Variants in NPM1 observed in about 807,000 individuals in gnomAD.
The protein encoded by NPM1 is nucleophosmin 1, also known as nucleophosmin.
A neutral mutation model predicts 44.1 loss-of-function variants in NPM1; 1 was observed. That is an observed-to-expected ratio of 0.02 (90% CI 0.01 to 0.11). The LOEUF (loss-of-function observed/expected upper bound fraction) is 0.11. NPM1 is among the 10% of genes least tolerant of loss of function. The pLI, the probability that NPM1 is intolerant of heterozygous loss-of-function variation, is 1.00. For missense variants in NPM1, 197 were observed against 347.8 expected (o/e 0.57, Z 3.45); for synonymous variants, 126 against 111.8 (o/e 1.13, Z -0.80).
At chr5:171,405,613 AT>A (rs943010118) in intron 9 of NPM1, 2 of 542,728 alleles carry the variant, frequency 3.7e-6, no homozygotes, top group African/African-American at 1.9e-5. Flanking sequence ...AATATGCCTT[AT>A]TTTCCATTAT....
intron 8 of NPM1, among the ~76,000 whole-genome samples, chr5:171,403,826 C>T (rs1771397044): frequency 1.2e-5 from 1 of 82,922 alleles, no homozygotes; most frequent in African/African-American, 4.6e-5. Flanking sequence ...AGAGGCGCCC[C>T]TCACCTCCCA....
intron 10 of NPM1, 70 bp downstream of exon 10, chr5:171,407,844 C>T (rs1011151551): frequency 3.2e-6 from 3 of 932,980 alleles, no homozygotes; most frequent in Non-Finnish European, 5.1e-6. Context: ...CTGCCTTTAC[C>T]CTTTTTAAGT....
intron 6 of NPM1, among the ~76,000 whole-genome samples, chr5:171,395,607 G>A (rs1379926803): frequency 6.6e-6 from 1 of 152,194 alleles, no homozygotes; most frequent in East Asian, 1.9e-4. Flanking sequence ...ACTAAGGTCT[G>A]CATAGTAGTA....
At chr5:171,390,615 T>A (rs569793108) in intron 2 of NPM1, among the ~76,000 whole-genome samples, 4 of 152,318 alleles carry the variant, frequency 2.6e-5, no homozygotes, top group African/African-American at 9.6e-5. Flanking sequence ...ACTTGTTTTT[T>A]AAAAAAATCA....
rs561730798 is a variant in NPM1 at position 171,387,890 on chromosome 5, A to C, written c.-59A>C. ...TCCGTCCTGCGCGGTTGTTCTCTGG[A>C]GCAGCGTTCTTTTATCTCCGTCCGC... is the stretch of plus-strand genomic sequence containing the variant. On this transcript the variant is annotated 5_prime_UTR_variant, in exon 1 of 11. Transcript: ENST00000296930. 9.8e-6 allele frequency: 15 copies of C among 1,527,542 alleles called. No individual in the cohort carries two copies. Among genetic ancestry groups the C allele is most frequent in the East Asian group, 4.5e-5 (2 of 44,460 alleles). The allele number at this position is 1,527,542 out of a possible 1,614,324, so 94.6% of individuals were successfully genotyped here.
intron 8 of NPM1, among the ~76,000 whole-genome samples, chr5:171,401,654 C>G (rs1771209729): frequency 6.6e-6 from 1 of 152,188 alleles, no homozygotes; most frequent in Admixed American, 6.5e-5. Flanking sequence ...GTTGGCCAGG[C>G]TGGTCTCAAA....
intron 6 of NPM1, among the ~76,000 whole-genome samples, chr5:171,398,946 G>A (rs1446830217): frequency 2.0e-5 from 3 of 150,644 alleles, no homozygotes; most frequent in Admixed American, 6.6e-5. Flanking sequence ...TGCAACCTCC[G>A]CCTCCTGGTT....
intron 3 of NPM1, 101 bp downstream of exon 3, chr5:171,391,525 C>CT: frequency 6.9e-7 from 1 of 1,444,488 alleles, no homozygotes; most frequent in Middle Eastern, 1.8e-4. Context: ...GAAAGTGGTT[C>CT]TTTATCTTCT....
intron 6 of NPM1, among the ~76,000 whole-genome samples, chr5:171,395,522 A>G (rs1770835509): frequency 6.6e-6 from 1 of 152,014 alleles, no homozygotes; most frequent in African/African-American, 2.4e-5. Flanking sequence ...CTGGTCTCGA[A>G]CTCCAAAGTG....
Position 171,390,064 on chromosome 5 carries a change from G to A in NPM1, c.72G>A (p.Lys24=). The change falls in exon 2 of 11, where the codon AAG becomes AAA. Residue 24 remains lysine (K), a synonymous_variant. Coordinates refer to ENST00000296930, the MANE Select transcript of NPM1 (RefSeq NM_002520.7). ...CTTCATTTACAGGTTGTGAACTAAA[G>A]GCCGACAAAGATTATCACTTTAAGG... ...PQNYLFGCEL[K]ADKDYHFKVD... is the part of the protein sequence containing the mutation. The A allele has an allele frequency of 6.6e-7, 1 of 1,517,118 alleles. No individual in the cohort carries two copies. The highest frequency in any genetic ancestry group is 1.4e-5 in the African/African-American group (1 of 71,662). The allele number at this position is 1,517,118 out of a possible 1,614,324, so 94.0% of individuals were successfully genotyped here. A position where few individuals can be genotyped will look rare whatever the true frequency, so the allele number is the denominator to read the frequency against.
At position 171,405,633 on chromosome 5, in the gene NPM1, C is replaced by T. The variant is rs7711765; in HGVS notation, c.771+230C>T. The stretch of plus-strand genomic sequence containing the variant: ...GCCTTATTTTCCATTATGCAAGGAA[C>T]GTAGTGCACTGGTTGCAAGATAACA... On this transcript the variant is annotated intron_variant, in intron 9 of 10. Transcript: ENST00000296930. 0.41 allele frequency: 200,198 copies of T among 490,446 alleles called. 41,039 individuals carry two copies. The highest frequency in any genetic ancestry group is 0.55 in the East Asian group (14,472 of 26,262). The allele number at this position is 490,446 out of a possible 1,614,324, so 30.4% of individuals were successfully genotyped here. A position where few individuals can be genotyped will look rare whatever the true frequency, so the allele number is the denominator to read the frequency against.
intron 6 of NPM1, among the ~76,000 whole-genome samples, chr5:171,396,072 C>T (rs1383082314): frequency 1.3e-5 from 2 of 151,932 alleles, no homozygotes; most frequent in East Asian, 1.9e-4. Context: ...TTCTGCCTCC[C>T]GGGTTCAAGT....
rs948259635 is a variant in NPM1, at chr5:171,393,091, A to T, written c.524+113A>T. 2.9e-6 allele frequency: 4 copies of T among 1,358,858 alleles called. No individual in the cohort carries two copies. The Admixed American group carries it at 9.9e-5, about 34-fold the overall frequency. The allele number at this position is 1,358,858 out of a possible 1,614,324, so 84.2% of individuals were successfully genotyped here. The stretch of plus-strand genomic sequence containing the variant: ...AAAGTCATTTACAAAAAGCCATCCT[A>T]TGTAATAGTTTATAATAAAAGGGCA... On this transcript the variant is annotated intron_variant, in intron 6 of 10. Transcript: ENST00000296930.
Position 171,391,286 on chromosome 5 carries a change from A to G in NPM1, c.139-19A>G. The G allele has an allele frequency of 7.1e-7, 1 of 1,400,006 alleles. No individual in the cohort carries two copies. Among genetic ancestry groups the G allele is most frequent in the Non-Finnish European group, 9.7e-7 (1 of 1,026,486 alleles). The allele number at this position is 1,400,006 out of a possible 1,614,324, so 86.7% of individuals were successfully genotyped here. A position where few individuals can be genotyped will look rare whatever the true frequency, so the allele number is the denominator to read the frequency against. ...GGTGGAACTCAAAAGTTGAAGTAGT[A>G]TTTTTTTTTTGTTCACAGGTCAGTT... On this transcript the variant is annotated intron_variant, in intron 2 of 10. Transcript: ENST00000296930.
chr5:171,396,592 C>T (rs1338874285), intron 6 of NPM1, among the ~76,000 whole-genome samples: 1 of 152,134 alleles, frequency 6.6e-6, no homozygotes, highest in East Asian at 1.9e-4. Flanking sequence ...ATTTAGAGAC[C>T]AGTACGTTCA....
intron 10 of NPM1, among the ~76,000 whole-genome samples, chr5:171,410,130 C>T (rs554659695): frequency 1.1e-4 from 16 of 152,306 alleles, no homozygotes; most frequent in African/African-American, 3.1e-4. Flanking sequence ...TACACATGCC[C>T]AGGCACACAT....
intron 7 of NPM1, among the ~76,000 whole-genome samples, chr5:171,400,457 T>G (rs200803244): frequency 0.03 from 4,204 of 139,102 alleles, 148 homozygotes; most frequent in Admixed American, 0.11. Context: ...TGCTTTTTCC[T>G]TCCTTTTTTT....
chr5:171,395,320 G>A (rs1341776107), intron 6 of NPM1, among the ~76,000 whole-genome samples: 1 of 149,308 alleles, frequency 6.7e-6, no homozygotes, highest in African/African-American at 2.5e-5. Flanking sequence ...TTTTTTTTTC[G>A]GCAAGTCTCG....
chr5:171,410,102 T>C (rs1771750604), intron 10 of NPM1, among the ~76,000 whole-genome samples: 1 of 152,212 alleles, frequency 6.6e-6, no homozygotes, highest in Admixed American at 6.5e-5. Context: ...AGCCTCAGCA[T>C]ATAGTTTTTT....
Sources: gnomAD v4.1 joint callset for allele counts (sites outside exome capture counted in the v4.1 genomes callset) on GRCh38, gnomAD v4.1.1 for gene constraint, MANE v1.5 for transcripts, NCBI Gene and HGNC (gene_info 2026-07-23, HGNC 2026-07-21) for gene names.